STOX2: variants seen among roughly 807,000 people sequenced by gnomAD.
STOX2 encodes storkhead box 2, also known as storkhead-box protein 2.
STOX2 carries 28 observed loss-of-function variants against 60.9 expected under a neutral mutation model. That is an observed-to-expected ratio of 0.46 (90% CI 0.34 to 0.63). The LOEUF is 0.63. Among genes scored for constraint, STOX2 ranks in the 30% least tolerant of loss-of-function variants. The pLI is 0.01. For synonymous variants in STOX2, 472 were observed against 463.9 expected (o/e 1.02, Z -0.22); for missense variants, 1,024 against 1,187.7 (o/e 0.86, Z 2.03).
chr4:183,964,874 G>C (rs1743517725), intron 1 of STOX2, among the ~76,000 whole-genome samples: 1 of 152,318 alleles, frequency 6.6e-6, no homozygotes, highest in African/African-American at 2.4e-5. Context: ...ATGAGCCACT[G>C]TGCCCAGCCA....
At chr4:183,951,057 T>A (rs1019857390) in intron 1 of STOX2, among the ~76,000 whole-genome samples, 2 of 150,720 alleles carry the variant, frequency 1.3e-5, no homozygotes, top group African/African-American at 2.4e-5. Context: ...CTACTAAAAA[T>A]ACAAAAAAAT....
intron 1 of STOX2, among the ~76,000 whole-genome samples, chr4:183,874,712 G>A (rs932607067): frequency 6.6e-6 from 1 of 150,900 alleles, no homozygotes; most frequent in Non-Finnish European, 1.5e-5. Flanking sequence ...GGATCACGAG[G>A]TCAGGAGATC....
intron 1 of STOX2, among the ~76,000 whole-genome samples, chr4:183,985,650 G>T (rs143734441): frequency 3.7e-4 from 56 of 152,194 alleles, no homozygotes; most frequent in Middle Eastern, 6.8e-3. Flanking sequence ...TCATCCCTTC[G>T]AGTATTTGGA....
chr4:183,961,855 T>A (rs1225833734), intron 1 of STOX2, among the ~76,000 whole-genome samples: 3 of 152,222 alleles, frequency 2.0e-5, no homozygotes, highest in African/African-American at 7.2e-5. Context: ...GGATCTTGGG[T>A]TGTGACTTTT....
At position 183,862,167 on chromosome 4, in the gene STOX2, TGTTG is replaced by T. The variant is rs1254386250; in HGVS notation, c.364+64113_364+64116del. 2.6e-5 allele frequency among the ~76,000 whole-genome samples: 3 copies of T among 113,898 alleles called. No individual in the cohort carries two copies. In the East Asian group the frequency reaches 8.4e-4, roughly 32 times the overall value. 74.7% of individuals were successfully genotyped at this position (113,898 alleles called of 152,430 possible). A position where few individuals can be genotyped will look rare whatever the true frequency, so the allele number is the denominator to read the frequency against. ...TCAGATAACGTTAAGTGTTTGTTGTTGTTGTTTGTTTGTTTGTTTGTTTTTTGAG... is the reference window on the plus strand; with the variant it reads ...TCAGATAACGTTAAGTGTTTGTTGTTTTTGTTTGTTTGTTTGTTTTTTGAG... On this transcript the variant is annotated intron_variant, in intron 1 of 2. Transcript: ENST00000513034.
intron 1 of STOX2, among the ~76,000 whole-genome samples, chr4:183,972,301 G>A (rs867007047): frequency 1.3e-5 from 2 of 152,310 alleles, no homozygotes; most frequent in Middle Eastern, 6.8e-3. Context: ...TGTGCTAGAA[G>A]TATGTGGCTG....
intron 1 of STOX2, among the ~76,000 whole-genome samples, chr4:183,813,833 G>A (rs921088613): frequency 2.0e-5 from 3 of 152,124 alleles, no homozygotes; most frequent in Non-Finnish European, 4.4e-5. Context: ...ACTGACAAGG[G>A]TAAAATAAAT....
intron 1 of STOX2, among the ~76,000 whole-genome samples, chr4:183,857,018 T>A (rs1221846027): frequency 6.6e-6 from 1 of 151,902 alleles, no homozygotes; most frequent in Non-Finnish European, 1.5e-5. Flanking sequence ...TGGAGGGGTT[T>A]GGAGGACAGG....
At chr4:184,008,071 G>A (rs1312979763) in intron 2 of STOX2, among the ~76,000 whole-genome samples, 2 of 152,166 alleles carry the variant, frequency 1.3e-5, no homozygotes, top group African/African-American at 2.4e-5. Context: ...TGCCTTATTC[G>A]TGTTTGGTTG....
At chr4:183,816,736 G>A (rs1340958090) in intron 1 of STOX2, among the ~76,000 whole-genome samples, 2 of 152,198 alleles carry the variant, frequency 1.3e-5, no homozygotes, top group East Asian at 3.8e-4. Context: ...GAGATGGAAT[G>A]GAACTGGAAC....
intron 1 of STOX2, among the ~76,000 whole-genome samples, chr4:183,843,331 A>G (rs894997521): frequency 6.6e-6 from 1 of 152,222 alleles, no homozygotes; most frequent in Non-Finnish European, 1.5e-5. Context: ...AGGACTCCGC[A>G]GAACTCAGTG....
chr4:183,917,841 G>A (rs1657321692), intron 1 of STOX2, among the ~76,000 whole-genome samples: 1 of 152,308 alleles, frequency 6.6e-6, no homozygotes, highest in South Asian at 2.1e-4. Flanking sequence ...ATTGGTGCTG[G>A]CACCCACTTG....
intron 1 of STOX2, among the ~76,000 whole-genome samples, chr4:183,914,083 C>T (rs1050830310): frequency 6.6e-6 from 1 of 152,092 alleles, no homozygotes; most frequent in African/African-American, 2.4e-5. Context: ...AACCCATGTA[C>T]CTGAGCGGTA....
intron 1 of STOX2, among the ~76,000 whole-genome samples, chr4:183,850,627 G>A (rs543745125): frequency 1.8e-4 from 28 of 152,256 alleles, no homozygotes; most frequent in Admixed American, 1.6e-3. Flanking sequence ...TACTTGGGAG[G>A]CTGAGGCAGG....
At chr4:183,822,112 C>T (rs899065726) in intron 1 of STOX2, among the ~76,000 whole-genome samples, 5 of 152,316 alleles carry the variant, frequency 3.3e-5, no homozygotes, top group African/African-American at 1.2e-4. Context: ...CTGCCACCCA[C>T]GTGCTAGGGA....
chr4:183,850,818 G>A (rs1740100293), intron 1 of STOX2, among the ~76,000 whole-genome samples: 1 of 152,012 alleles, frequency 6.6e-6, no homozygotes, highest in Admixed American at 6.6e-5. Flanking sequence ...GAAAGGATGA[G>A]GGAAAGGATG....
At chr4:183,972,505 T>A (rs932565702) in intron 1 of STOX2, among the ~76,000 whole-genome samples, 1 of 152,176 alleles carries the variant, frequency 6.6e-6, no homozygotes, top group African/African-American at 2.4e-5. Context: ...CTTTGAGAGC[T>A]GAAATATGAA....
chr4:183,832,481 C>A (rs956358591), intron 1 of STOX2, among the ~76,000 whole-genome samples: 9 of 143,546 alleles, frequency 6.3e-5, no homozygotes, highest in African/African-American at 7.9e-5. Flanking sequence ...AGCCTATAAC[C>A]GACTCTTTTT....
intron 1 of STOX2, among the ~76,000 whole-genome samples, chr4:183,953,715 A>C (rs1294706917): frequency 6.6e-6 from 1 of 151,778 alleles, no homozygotes; most frequent in African/African-American, 2.4e-5. Flanking sequence ...ACAGGCGTGC[A>C]CCACCATGCC....
Sources: gnomAD v4.1 joint callset for allele counts (sites outside exome capture counted in the v4.1 genomes callset) on GRCh38, gnomAD v4.1.1 for gene constraint, MANE v1.5 for transcripts, NCBI Gene and HGNC (gene_info 2026-07-23, HGNC 2026-07-21) for gene names.